ZNF493: variants seen among roughly 807,000 people sequenced by gnomAD.
ZNF493 encodes the protein zinc finger protein 493.
In ZNF493, 11 loss-of-function variants were observed where a neutral mutation model predicts 12.2. The ratio of observed to expected loss-of-function variants is 0.90; its 90% CI spans 0.57 to 1.50. ZNF493 has a LOEUF of 1.50. Among genes scored for constraint, ZNF493 ranks in the 40% most tolerant of loss-of-function variants. The pLI, the probability that ZNF493 is intolerant of heterozygous loss-of-function variation, is 0.00. For missense variants in ZNF493, 950 were observed against 906.6 expected (o/e 1.05, Z -0.61); for synonymous variants, 286 against 302.6 (o/e 0.95, Z 0.57).
At chr19:21,405,929 A>T in intron 3 of ZNF493, 73 bp downstream of exon 3, 1 of 1,062,048 alleles carries the variant, frequency 9.4e-7, no homozygotes, top group Non-Finnish European at 1.3e-6. Flanking sequence ...AAAAAAAAAA[A>T]GCCAGTCCTG....
Position 21,423,620 on chromosome 19 carries a change from T to G in ZNF493, c.961T>G (p.Tyr321Asp). Reference sequence around the variant, plus strand: ...GATAATTCATAATGGAGAAAAACCCTATAAATGTGAAGAATGTGGCAAAGC... The same window carrying G: ...GATAATTCATAATGGAGAAAAACCCGATAAATGTGAAGAATGTGGCAAAGC... ...HKIIHNGEKP[Y>D]KCEECGKAFS... Residue 321 changes from tyrosine to aspartate, a missense_variant, in exon 4 of 4, where the codon TAT becomes GAT. Coordinates refer to ENST00000392288, the MANE Select transcript of ZNF493 (RefSeq NM_001076678.3). 1 of 1,609,842 alleles carries G rather than the reference T, an allele frequency of 6.2e-7. No individual in the cohort carries two copies. The highest frequency in any genetic ancestry group is 2.2e-5 in the East Asian group (1 of 44,796).
chr19:21,423,640 C>CA lies in ZNF493; in HGVS notation c.984dup (p.Ala329SerfsTer3), dbSNP rs778912269. ...AACCCTATAAATGTGAAGAATGTGGCAAAGCCTTTAGTATTTTCTCAACCC... is the reference window on the plus strand; with the variant it reads ...AACCCTATAAATGTGAAGAATGTGGCAAAAGCCTTTAGTATTTTCTCAACCC... On this transcript the variant is annotated frameshift_variant, in exon 4 of 4. Transcript: ENST00000392288. LOFTEE classifies it low-confidence loss of function (END_TRUNC). 8 of 1,610,758 alleles carry CA rather than the reference C, an allele frequency of 5.0e-6. No homozygotes were observed. The highest frequency in any genetic ancestry group is 6.8e-6 in the Non-Finnish European group (8 of 1,179,576).
chr19:21,413,650 G>T (rs967866061), intron 3 of ZNF493: 3 of 412,406 alleles, frequency 7.3e-6, no homozygotes, highest in Non-Finnish European at 1.3e-5. Flanking sequence ...AAAGTTTCAG[G>T]TATCTTGATG....
chr19:21,427,079 TGA>T lies in ZNF493; in HGVS notation c.*2100_*2101del, dbSNP rs1568385543. 1 of 166,996 alleles carries T rather than the reference TGA, an allele frequency of 6.0e-6. No individual in the cohort carries two copies. The highest frequency in any genetic ancestry group is 1.5e-5 in the Non-Finnish European group (1 of 68,104). The allele number at this position is 166,996 out of a possible 1,614,324, so 10.3% of individuals were successfully genotyped here. A position where few individuals can be genotyped will look rare whatever the true frequency, so the allele number is the denominator to read the frequency against. ...ATCATTTGTTGCTGCATCAGAGGTA[TGA>T]GAGATTCTTCTTCATTAGATGGGCA... On this transcript the variant is annotated 3_prime_UTR_variant, in exon 4 of 4. Transcript: ENST00000392288.
At chr19:21,413,952 GATTC>G (rs1435473324) in intron 3 of ZNF493, 2 of 154,256 alleles carry the variant, frequency 1.3e-5, no homozygotes, top group Non-Finnish European at 2.9e-5. Context: ...TTTAGGGAGA[GATTC>G]ATTCTTTCCA....
At chr19:21,415,484 C>G (rs1037962226) in intron 3 of ZNF493, among the ~76,000 whole-genome samples, 3 of 152,024 alleles carry the variant, frequency 2.0e-5, no homozygotes, top group African/African-American at 7.3e-5. Context: ...ACTAGGGTCC[C>G]CAAGTAGGAG....
rs896586535 is a variant in ZNF493 at position 21,423,405 on chromosome 19, A to T, written c.746A>T (p.Asp249Val). Residue 249 changes from aspartate to valine, a missense_variant, in exon 4 of 4, where the codon GAC (aspartate) becomes GTC (valine). Coordinates refer to ENST00000392288, the MANE Select transcript of ZNF493 (RefSeq NM_001076678.3). The stretch of plus-strand genomic sequence containing the variant: ...GAATGTGGCAAATCTTTTAACCAGG[A>T]CTCAAACCTTACTACACATAAGAGA... Reference protein sequence around the residue: ...KYECGKSFNQDSNLTTHKRIH... With the variant: ...KYECGKSFNQVSNLTTHKRIH... The T allele has an allele frequency of 6.2e-7, 1 of 1,613,458 alleles. No individual in the cohort carries two copies. Among genetic ancestry groups the T allele is most frequent in the Non-Finnish European group, 8.5e-7 (1 of 1,179,790 alleles).
In ZNF493 at chr19:21,405,127, A is replaced by G. The variant is rs1250290445; in HGVS notation, c.31-2A>G. On this transcript the variant is annotated splice_acceptor_variant, in intron 1 of 3. Coordinates refer to ENST00000392288, the MANE Select transcript of ZNF493 (RefSeq NM_001076678.3). LOFTEE classifies it high-confidence loss of function. ...GTGTGTGTTTGTGTGTGTTTGTTTC[A>G]GGGGCCGTTGACATTTAGGGATGTG... The G allele has an allele frequency of 1.9e-6, 3 of 1,612,582 alleles. No individual in the cohort carries two copies. Among genetic ancestry groups the G allele is most frequent in the East Asian group, 2.2e-5 (1 of 44,840 alleles).
chr19:21,416,269 G>A (rs968153147), intron 3 of ZNF493, among the ~76,000 whole-genome samples: 6 of 152,044 alleles, frequency 3.9e-5, no homozygotes, highest in Middle Eastern at 3.4e-3. Flanking sequence ...ACCATACCAG[G>A]GACATACCCC....
At chr19:21,408,900 TA>T (rs2030230471) in intron 3 of ZNF493, 2 of 730,822 alleles carry the variant, frequency 2.7e-6, no homozygotes, top group African/African-American at 1.9e-5. Context: ...TTTTTTTTTT[TA>T]AGGTGGAGTC....
chr19:21,423,391 A>G lies in ZNF493; in HGVS notation c.732A>G (p.Lys244=), dbSNP rs2030743156. Reference sequence around the variant, plus strand: ...AATCCTACAAATATGAATGTGGCAAATCTTTTAACCAGGACTCAAACCTTA... The same window carrying G: ...AATCCTACAAATATGAATGTGGCAAGTCTTTTAACCAGGACTCAAACCTTA... ...GEKSYKYECG[K]SFNQDSNLTT... is the part of the protein sequence containing the mutation. Residue 244 remains lysine (K), a synonymous_variant, in exon 4 of 4, where the codon AAA becomes AAG. Transcript: ENST00000392288. The G allele has an allele frequency of 6.2e-7, 1 of 1,613,460 alleles. No individual in the cohort carries two copies. The highest frequency in any genetic ancestry group is 1.1e-5 in the South Asian group (1 of 91,064).
intron 3 of ZNF493, among the ~76,000 whole-genome samples, chr19:21,415,598 C>G (rs967728279): frequency 1.2e-4 from 18 of 152,174 alleles, no homozygotes; most frequent in African/African-American, 4.3e-4. Flanking sequence ...TCTCAAGTGG[C>G]GGCAGCACAA....
At chr19:21,405,341 G>T (rs780136170) in intron 2 of ZNF493, 86 bp downstream of exon 2, 12 of 1,544,406 alleles carry the variant, frequency 7.8e-6, no homozygotes, top group Non-Finnish European at 1.0e-5. Flanking sequence ...GGTAATTTAT[G>T]CTTTGCATAA....
intron 3 of ZNF493, among the ~76,000 whole-genome samples, chr19:21,409,149 G>A (rs1202339902): frequency 6.6e-6 from 1 of 152,014 alleles, no homozygotes; most frequent in African/African-American, 2.4e-5. Flanking sequence ...CTCCCAAAGT[G>A]CTGGGATCAG....
intron 1 of ZNF493, among the ~76,000 whole-genome samples, chr19:21,400,019 C>T (rs1349384925): frequency 6.6e-6 from 1 of 152,126 alleles, no homozygotes; most frequent in Non-Finnish European, 1.5e-5. Context: ...TTTCATATGA[C>T]TCATTGTTAA....
At position 21,397,282 on chromosome 19, in the gene ZNF493, T is replaced by G. The variant is rs1446892624; in HGVS notation, c.30+15T>G. On this transcript the variant is annotated intron_variant, in intron 1 of 3. Coordinates refer to ENST00000392288, the MANE Select transcript of ZNF493 (RefSeq NM_001076678.3). ...GCCTAGACATGGTGAGAGTGCTGGG[T>G]CCGACATCACGAGAGAGGGGAAGGA... The G allele has an allele frequency of 1.9e-6, 3 of 1,614,024 alleles. No homozygotes were observed. The highest frequency in any genetic ancestry group is 2.5e-6 in the Non-Finnish European group (3 of 1,180,024).
chr19:21,421,695 TA>T (rs1458990078), intron 3 of ZNF493, among the ~76,000 whole-genome samples: 1 of 152,160 alleles, frequency 6.6e-6, no homozygotes, highest in Non-Finnish European at 1.5e-5. Flanking sequence ...ATTTGAACAT[TA>T]AAAAGTTACC....
intron 3 of ZNF493, chr19:21,414,223 C>G (rs1375165329): frequency 6.6e-6 from 1 of 152,202 alleles, no homozygotes; most frequent in South Asian, 2.1e-4. Context: ...GCTAGTCTCC[C>G]AAATGAGGGA....
At chr19:21,397,435 C>A in intron 1 of ZNF493, 168 bp downstream of exon 1, 1 of 852,130 alleles carries the variant, frequency 1.2e-6, no homozygotes, top group South Asian at 1.5e-5. Flanking sequence ...AAGTTGGCGG[C>A]TGCGCCAACA....
Sources: allele counts gnomAD v4.1 joint callset (sites outside exome capture counted in the v4.1 genomes callset), GRCh38; gene constraint gnomAD v4.1.1; transcripts MANE v1.5; gene names NCBI Gene and HGNC (gene_info 2026-07-23, HGNC 2026-07-21).